CCDC7: variants seen among roughly 807,000 people sequenced by gnomAD.
CCDC7 encodes the protein coiled-coil domain containing 7.
A neutral mutation model predicts 196.9 loss-of-function variants in CCDC7; 183 were observed. The ratio of observed to expected loss-of-function variants is 0.93; its 90% CI spans 0.82 to 1.05. CCDC7 has a LOEUF of 1.05. CCDC7 is among the 50% of genes least tolerant of loss of function. The pLI, the probability that CCDC7 is intolerant of heterozygous loss-of-function variation, is 0.00. For missense variants in CCDC7, 1,540 were observed against 1,482.2 expected, an observed-to-expected ratio of 1.04 and a Z score of -0.64; for synonymous variants, 525 against 484.6, an observed-to-expected ratio of 1.08 and a Z score of -1.10.
chr10:32,716,988 A>G (rs1213957832), intron 25 of CCDC7, among the ~76,000 whole-genome samples: 2 of 152,210 alleles, frequency 1.3e-5, no homozygotes, highest in Non-Finnish European at 2.9e-5. Context: ...CAGAAAATTA[A>G]CAAGGATATT....
chr10:32,596,284 T>C (rs2060344284), intron 18 of CCDC7, among the ~76,000 whole-genome samples: 1 of 152,240 alleles, frequency 6.6e-6, no homozygotes, highest in Admixed American at 6.5e-5. Flanking sequence ...TTTACCATTA[T>C]GTAACGGCCT....
intron 31 of CCDC7, among the ~76,000 whole-genome samples, chr10:32,823,376 G>A (rs1370986351): frequency 6.6e-6 from 1 of 152,050 alleles, no homozygotes. Flanking sequence ...TTGGGACCTC[G>A]AGATCTGCCC....
At chr10:32,585,412 C>A (rs868807460) in intron 18 of CCDC7, among the ~76,000 whole-genome samples, 3 of 152,154 alleles carry the variant, frequency 2.0e-5, no homozygotes, top group Non-Finnish European at 2.9e-5. Context: ...TTCTGGGATA[C>A]ATGTGCAGAA....
At chr10:32,500,492 G>A (rs1033326662) in intron 9 of CCDC7, among the ~76,000 whole-genome samples, 7 of 151,872 alleles carry the variant, frequency 4.6e-5, no homozygotes, top group Non-Finnish European at 8.8e-5. Flanking sequence ...GACGATGGGC[G>A]GCGGGGCAGA....
chr10:32,447,212 G>A (rs563973410), upstream of CCDC7, among the ~76,000 whole-genome samples: 1 of 151,992 alleles, frequency 6.6e-6, no homozygotes, highest in Non-Finnish European at 1.5e-5. Flanking sequence ...AATTGTTGCC[G>A]TTCTTCAGGT....
At chr10:32,494,781 T>C (rs555477931) in intron 9 of CCDC7, among the ~76,000 whole-genome samples, 1 of 152,320 alleles carries the variant, frequency 6.6e-6, no homozygotes, top group East Asian at 1.9e-4. Flanking sequence ...ACATTTGCTT[T>C]ATCCAGTGTA....
intron 18 of CCDC7, among the ~76,000 whole-genome samples, chr10:32,611,890 C>T (rs1158781658): frequency 6.6e-6 from 1 of 152,148 alleles, no homozygotes; most frequent in Non-Finnish European, 1.5e-5. Context: ...TTAGGATTGT[C>T]TTGGCTATAC....
chr10:32,682,162 C>T (rs11009030), intron 21 of CCDC7, among the ~76,000 whole-genome samples: 21,047 of 152,084 alleles, frequency 0.14, 1,762 homozygotes, highest in East Asian at 0.25. Context: ...TTTCAGTCCT[C>T]ACACTCTGCC....
chr10:32,593,143 G>A (rs1254998570), intron 18 of CCDC7, among the ~76,000 whole-genome samples: 1 of 152,178 alleles, frequency 6.6e-6, no homozygotes, highest in Non-Finnish European at 1.5e-5. Flanking sequence ...CACAATGCTT[G>A]AACTAGTTTA....
intron 9 of CCDC7, among the ~76,000 whole-genome samples, chr10:32,515,934 G>A (rs1287085730): frequency 6.6e-6 from 1 of 152,126 alleles, no homozygotes; most frequent in African/African-American, 2.4e-5. Context: ...AAGCATAGGA[G>A]TAAATCTTTG....
In CCDC7 at chr10:32,485,029, C is replaced by G. The variant is rs1589056038; in HGVS notation, c.797-6893C>G. 2.6e-5 allele frequency among the ~76,000 whole-genome samples: 4 copies of G among 152,252 alleles called. No individual in the cohort carries two copies. The South Asian group carries it at 6.2e-4, about 24-fold the overall frequency. On this transcript the variant is annotated intron_variant, in intron 8 of 41. Transcript: ENST00000639629. ...TGGCCTCATAAAATGAGTTAGGGAGCATTCCGTCTTTTTCTATTGATTGGA... is the reference window on the plus strand; with the variant it reads ...TGGCCTCATAAAATGAGTTAGGGAGGATTCCGTCTTTTTCTATTGATTGGA...
At chr10:32,768,043 A>G (rs571565250) in intron 28 of CCDC7, among the ~76,000 whole-genome samples, 3 of 152,234 alleles carry the variant, frequency 2.0e-5, no homozygotes, top group East Asian at 3.9e-4. Context: ...TGACTCAAAG[A>G]CAGGCTTTTG....
chr10:32,783,250 G>T (rs1190700685), intron 29 of CCDC7, among the ~76,000 whole-genome samples: 4 of 152,144 alleles, frequency 2.6e-5, no homozygotes, highest in Non-Finnish European at 4.4e-5. Context: ...GAAAATATTT[G>T]CAAATTACAT....
intron 29 of CCDC7, among the ~76,000 whole-genome samples, chr10:32,796,594 A>G (rs1042636274): frequency 2.6e-5 from 4 of 152,172 alleles, no homozygotes; most frequent in Admixed American, 2.0e-4. Context: ...AGATCTTAGA[A>G]ACATGGAGCA....
intron 41 of CCDC7, among the ~76,000 whole-genome samples, chr10:32,869,503 C>A (rs754633423): frequency 6.6e-6 from 1 of 152,094 alleles, no homozygotes; most frequent in East Asian, 1.9e-4. Flanking sequence ...AATTTTCTCC[C>A]ATTTTGTAGG....
At chr10:32,729,415 T>C (rs2083581937) in exon 28 of CCDC7, 2 of 1,452,852 alleles carry the variant, frequency 1.4e-6, no homozygotes, top group African/African-American at 2.8e-5. Context: ...AAGAAGCGAA[T>C]CTCAAACGAA....
chr10:32,618,231 G>A (rs756469303), intron 18 of CCDC7, among the ~76,000 whole-genome samples: 2 of 151,674 alleles, frequency 1.3e-5, no homozygotes, highest in Non-Finnish European at 2.9e-5. Context: ...CCTATTAAAG[G>A]TTAATATTGA....
intron 41 of CCDC7, among the ~76,000 whole-genome samples, chr10:32,864,783 T>C (rs1318419626): frequency 2.0e-5 from 3 of 151,798 alleles, no homozygotes; most frequent in Non-Finnish European, 4.4e-5. Context: ...AAGAAAAACA[T>C]GTCAGACTAC....
intron 13 of CCDC7, among the ~76,000 whole-genome samples, chr10:32,552,427 G>C (rs899659647): frequency 3.9e-5 from 6 of 152,080 alleles, no homozygotes; most frequent in African/African-American, 1.2e-4. Context: ...TGCATTCATC[G>C]TGCTCTTTGT....
Sources: allele counts gnomAD v4.1 joint callset (sites outside exome capture counted in the v4.1 genomes callset), GRCh38; gene constraint gnomAD v4.1.1; transcripts MANE v1.5; gene names NCBI Gene and HGNC (gene_info 2026-07-23, HGNC 2026-07-21).